PPP2R2B: variants seen among roughly 807,000 people sequenced by gnomAD.
PPP2R2B encodes protein phosphatase 2 regulatory subunit Bbeta, also known as serine/threonine-protein phosphatase 2A 55 kDa regulatory subunit B beta isoform.
Under a neutral mutation model 46.0 loss-of-function variants are expected in PPP2R2B, and 5 were observed. The observed-to-expected ratio is 0.11, with a 90% CI of 0.06 to 0.23. The LOEUF (loss-of-function observed/expected upper bound fraction) is 0.23, where lower values mean the gene tolerates loss of function less well. Among genes scored for constraint, PPP2R2B ranks in the 10% least tolerant of loss-of-function variants. The pLI is 1.00. For synonymous variants in PPP2R2B, 215 were observed against 206.7 expected (o/e 1.04, Z -0.34); for missense variants, 367 against 575.0 (o/e 0.64, Z 3.70).
At chr5:146,646,416 T>C (rs1775583813) in intron 6 of PPP2R2B, among the ~76,000 whole-genome samples, 1 of 152,216 alleles carries the variant, frequency 6.6e-6, no homozygotes, top group Non-Finnish European at 1.5e-5. Flanking sequence ...ACTACTAATC[T>C]ATTAATGAGT....
chr5:146,937,765 G>A (rs1764201918), intron 1 of PPP2R2B, among the ~76,000 whole-genome samples: 1 of 152,140 alleles, frequency 6.6e-6, no homozygotes, highest in African/African-American at 2.4e-5. Flanking sequence ...ACAATAGAGG[G>A]AATGTGTGGG....
At chr5:146,804,999 G>A (rs1178554272) in intron 2 of PPP2R2B, among the ~76,000 whole-genome samples, 1 of 152,064 alleles carries the variant, frequency 6.6e-6, no homozygotes, top group African/African-American at 2.4e-5. Context: ...AAAGCTGTTG[G>A]GTCCCAAGAT....
chr5:146,968,809 G>A (rs2151846867), intron 1 of PPP2R2B, among the ~76,000 whole-genome samples: 1 of 152,304 alleles, frequency 6.6e-6, no homozygotes, highest in East Asian at 1.9e-4. Flanking sequence ...CACTAAGCAT[G>A]GAGTTGAGGA....
intron 2 of PPP2R2B, among the ~76,000 whole-genome samples, chr5:147,079,447 T>C (rs1580895056): frequency 3.7e-5 from 2 of 53,802 alleles, no homozygotes; most frequent in African/African-American, 2.1e-4. Flanking sequence ...TATATATACA[T>C]ATATATATAT....
At chr5:146,883,962 C>A (rs1321173894) in intron 1 of PPP2R2B, among the ~76,000 whole-genome samples, 2 of 151,850 alleles carry the variant, frequency 1.3e-5, no homozygotes, top group African/African-American at 2.4e-5. Context: ...CTATTGAGAG[C>A]TGATTTTGCT....
chr5:146,942,803 T>G (rs772037623), intron 1 of PPP2R2B, among the ~76,000 whole-genome samples: 2 of 140,538 alleles, frequency 1.4e-5, no homozygotes, highest in African/African-American at 2.8e-5. Context: ...GAATCCATAG[T>G]TTTTTTTTTT....
At chr5:146,625,258 G>A (rs1037979622) in intron 7 of PPP2R2B, among the ~76,000 whole-genome samples, 9 of 152,118 alleles carry the variant, frequency 5.9e-5, no homozygotes, top group African/African-American at 2.2e-4. Context: ...GCCTAGGAAT[G>A]CGATTTAATT....
chr5:146,825,661 G>A (rs1320513742), intron 2 of PPP2R2B, among the ~76,000 whole-genome samples: 3 of 152,218 alleles, frequency 2.0e-5, no homozygotes, highest in Non-Finnish European at 2.9e-5. Context: ...ACCTGGTTGA[G>A]TCAAGTTACT....
chr5:146,702,085 G>T (rs540614467), intron 2 of PPP2R2B, among the ~76,000 whole-genome samples: 1 of 151,552 alleles, frequency 6.6e-6, no homozygotes, highest in Admixed American at 6.6e-5. Flanking sequence ...AGAGGCAGGG[G>T]AATTATGACT....
chr5:146,695,502 A>G (rs1779127228), intron 4 of PPP2R2B, among the ~76,000 whole-genome samples: 1 of 152,210 alleles, frequency 6.6e-6, no homozygotes, highest in South Asian at 2.1e-4. Context: ...AGCAGAAAGT[A>G]AAAATTGTTC....
intron 5 of PPP2R2B, among the ~76,000 whole-genome samples, chr5:146,676,397 T>C (rs1399569510): frequency 6.6e-6 from 1 of 152,098 alleles, no homozygotes; most frequent in South Asian, 2.1e-4. Context: ...GTACCACACA[T>C]CCCCTGCACT....
chr5:146,927,965 C>T (rs2151819641), intron 1 of PPP2R2B, among the ~76,000 whole-genome samples: 1 of 152,248 alleles, frequency 6.6e-6, no homozygotes, highest in East Asian at 1.9e-4. Context: ...TGGTCTCCAA[C>T]TCCTGACCTC....
At chr5:147,026,470 C>A (rs1020803447) in intron 1 of PPP2R2B, among the ~76,000 whole-genome samples, 2 of 151,934 alleles carry the variant, frequency 1.3e-5, no homozygotes, top group Non-Finnish European at 2.9e-5. Context: ...CAAAGAGGCA[C>A]AAGAAACTTT....
At chr5:147,015,768 A>C (rs534893530) in intron 1 of PPP2R2B, among the ~76,000 whole-genome samples, 1 of 149,810 alleles carries the variant, frequency 6.7e-6, no homozygotes, top group East Asian at 2.1e-4. Context: ...TATAATATAA[A>C]ATAATGTAAT....
intron 5 of PPP2R2B, among the ~76,000 whole-genome samples, chr5:146,689,415 C>T (rs1244648861): frequency 6.6e-6 from 1 of 152,116 alleles, no homozygotes; most frequent in African/African-American, 2.4e-5. Flanking sequence ...TGTTTATATA[C>T]ACAAATACCA....
At chr5:147,060,403 G>T (rs1332300260), upstream of PPP2R2B, among the ~76,000 whole-genome samples, 1 of 152,194 alleles carries the variant, frequency 6.6e-6, no homozygotes, top group Non-Finnish European at 1.5e-5. Context: ...GCAGTGGGCA[G>T]ATCACTTGAA....
chr5:146,886,217 T>C (rs1013236157), intron 1 of PPP2R2B, among the ~76,000 whole-genome samples: 16 of 152,086 alleles, frequency 1.1e-4, no homozygotes, highest in East Asian at 9.7e-4. Flanking sequence ...CGGGCCCCTG[T>C]AGTCCCAGTT....
intron 2 of PPP2R2B, among the ~76,000 whole-genome samples, chr5:146,875,302 G>C (rs1761832697): frequency 2.0e-5 from 3 of 152,088 alleles, no homozygotes; most frequent in South Asian, 4.1e-4. Flanking sequence ...GAAAGGTAGG[G>C]GAGGGTGGTA....
intron 2 of PPP2R2B, among the ~76,000 whole-genome samples, chr5:146,836,843 A>G (rs1759314908): frequency 6.6e-6 from 1 of 152,208 alleles, no homozygotes; most frequent in African/African-American, 2.4e-5. Context: ...GACAATTTGC[A>G]GCCATGGAAC....
Sources: gnomAD v4.1 joint callset for allele counts (sites outside exome capture counted in the v4.1 genomes callset) on GRCh38, gnomAD v4.1.1 for gene constraint, MANE v1.5 for transcripts, NCBI Gene and HGNC (gene_info 2026-07-23, HGNC 2026-07-21) for gene names.